GIGYF2: variants seen among roughly 807,000 people sequenced by gnomAD.
GIGYF2 encodes GRB10-interacting GYF protein 2.
In GIGYF2, 25 loss-of-function variants were observed where a neutral mutation model predicts 208.1. That is an observed-to-expected ratio of 0.12 (90% CI 0.09 to 0.17). The LOEUF is 0.17. Ranked by LOEUF, GIGYF2 falls within the 10% of genes least tolerant of loss-of-function variation. GIGYF2 has a pLI of 1.00. For missense variants in GIGYF2, 1,302 were observed against 1,579.4 expected (o/e 0.82, Z 2.98); for synonymous variants, 534 against 543.8 (o/e 0.98, Z 0.25).
rs1412445567 is a variant in GIGYF2 at position 232,793,801 on chromosome 2, C to T, written c.1283-947C>T. On this transcript the variant is annotated intron_variant, in intron 12 of 28. Coordinates refer to ENST00000373563, the MANE Select transcript of GIGYF2 (RefSeq NM_001103146.3). ...AAAGTAGAGACAGGAGAGTAGAGTG[C>T]AGGGAAACTAAGGAATGGGGATGTT... Among the ~76,000 whole-genome samples, 4 of 152,016 alleles carry T rather than the reference C, an allele frequency of 2.6e-5. No individual in the cohort carries two copies. In the South Asian group the frequency reaches 6.2e-4, roughly 24 times the overall value.
chr2:232,784,949 T>C (rs1699864189), intron 8 of GIGYF2, among the ~76,000 whole-genome samples: 1 of 152,054 alleles, frequency 6.6e-6, no homozygotes, highest in African/African-American at 2.4e-5. Flanking sequence ...GCTCCCTCTC[T>C]CACCATGTGA....
chr2:232,709,370 G>A lies in GIGYF2; in HGVS notation c.-44+5881G>A, dbSNP rs529675164. Among the ~76,000 whole-genome samples the A allele has an allele frequency of 2.4e-3, 358 of 152,252 alleles. 2 individuals are homozygous for A. Among genetic ancestry groups the A allele is most frequent in the Middle Eastern group, 0.017 (5 of 292 alleles). The stretch of plus-strand genomic sequence containing the variant: ...AAATTGGGTTTTCTTTTTAGATACA[G>A]GGTCTTGCTCTGTCATGCAGGCAGC... On this transcript the variant is annotated intron_variant, in intron 2 of 28. Transcript: ENST00000373563.
At chr2:232,826,230 G>C (rs1041661465) in intron 21 of GIGYF2, among the ~76,000 whole-genome samples, 3 of 151,990 alleles carry the variant, frequency 2.0e-5, no homozygotes, top group Non-Finnish European at 4.4e-5. Flanking sequence ...TAATGGGATC[G>C]CTGGGTCAAA....
rs148986822 is a variant in GIGYF2, at chr2:232,763,745, C to A, written c.532+2309C>A. Among the ~76,000 whole-genome samples the A allele has an allele frequency of 2.2e-3, 338 of 151,664 alleles. 13 individuals are homozygous for A. In the East Asian group the frequency reaches 0.058, roughly 26 times the overall value. On this transcript the variant is annotated intron_variant, in intron 8 of 28. Coordinates refer to ENST00000373563, the MANE Select transcript of GIGYF2 (RefSeq NM_001103146.3). The stretch of plus-strand genomic sequence containing the variant: ...CTGAGGGAGACTGAGGCAGGGGAAT[C>A]GCTTGAACCCGGGAGGTGGAGGCTG...
chr2:232,807,833 A>G (rs903054704), intron 15 of GIGYF2, among the ~76,000 whole-genome samples: 44 of 152,222 alleles, frequency 2.9e-4, no homozygotes, highest in African/African-American at 1.1e-3. Context: ...TGGCCTTTCA[A>G]AGTGCTGGAT....
chr2:232,787,023 A>G, intron 8 of GIGYF2, 127 bp from the exon 9 acceptor site: 1 of 574,580 alleles, frequency 1.7e-6, no homozygotes, highest in Non-Finnish European at 3.0e-6. Flanking sequence ...CTGTTATTTT[A>G]GTGATTTTTT....
In GIGYF2 at chr2:232,760,601, TC is replaced by T; in HGVS notation, c.491+12del. On this transcript the variant is annotated intron_variant, in intron 7 of 28. Coordinates refer to ENST00000373563, the MANE Select transcript of GIGYF2 (RefSeq NM_001103146.3). ...AGAGCTGGGAGGAAAGGTAACTGGA[TC>T]CACATATTGGCATAAAAATTTCTTG... The T allele has an allele frequency of 1.3e-6, 2 of 1,547,258 alleles. No homozygotes were observed. The highest frequency in any genetic ancestry group is 8.9e-7 in the Non-Finnish European group (1 of 1,119,238).
At position 232,845,821 on chromosome 2, in the gene GIGYF2, A is replaced by C. The variant is rs760387035; in HGVS notation, c.3395A>C (p.Gln1132Pro). Residue 1132 changes from glutamine to proline, a missense_variant, in exon 26 of 29, where the codon CAA (glutamine) becomes CCA (proline). Gln to Pro is a moderately conservative substitution (Grantham distance 76). Around this residue, in one of 8 missense-constraint regions of GIGYF2, gnomAD observed 701 missense variants for 793.0 expected, o/e 0.88. Transcript: ENST00000373563. ...CTCTTTCAGGGAGTAAATAAAGCCC[A>C]AGATGGATTTACGCAGTGGTGTGAA... is the stretch of plus-strand genomic sequence containing the variant. ...LKLFQGVNKA[Q>P]DGFTQWCEQM... is the part of the protein sequence containing the mutation. The C allele has an allele frequency of 1.5e-5, 24 of 1,613,654 alleles. No individual in the cohort carries two copies. Among genetic ancestry groups the C allele is most frequent in the Non-Finnish European group, 2.0e-5 (24 of 1,179,522 alleles).
chr2:232,776,531 C>T, intron 8 of GIGYF2: 2 of 981,972 alleles, frequency 2.0e-6, no homozygotes, highest in Non-Finnish European at 3.2e-6. Context: ...TAATTTTAAT[C>T]TACAAGTCTA....
At chr2:232,781,147 C>T (rs1411195635) in intron 8 of GIGYF2, among the ~76,000 whole-genome samples, 4 of 151,916 alleles carry the variant, frequency 2.6e-5, no homozygotes, top group Non-Finnish European at 4.4e-5. Context: ...TTAGTAGAAA[C>T]GGGGTTTTGT....
chr2:232,819,873 G>A lies in GIGYF2; in HGVS notation c.2417G>A (p.Arg806Gln). 4 of 1,595,880 alleles carry A rather than the reference G, an allele frequency of 2.5e-6. No individual in the cohort carries two copies. The highest frequency in any genetic ancestry group is 1.4e-5 in the African/African-American group (1 of 71,332). ...CGGGAGCAAGAAATTGCATTAAGGCGACAGCGAGAAGAGGAAGAAAGACAG... is the reference window on the plus strand; with the variant it reads ...CGGGAGCAAGAAATTGCATTAAGGCAACAGCGAGAAGAGGAAGAAAGACAG... ...RQREQEIALRRQREEEERQQQ... is the reference protein window; with the variant it reads ...RQREQEIALRQQREEEERQQQ... The change falls in exon 21 of 29, where the codon CGA (arginine) becomes CAA (glutamine). Residue 806 changes from arginine to glutamine, a missense_variant. By Grantham distance (43) the Arg-to-Gln change is conservative (BLOSUM62 1). Around this residue, in one of 8 missense-constraint regions of GIGYF2, gnomAD observed 701 missense variants for 793.0 expected, o/e 0.88. Coordinates refer to ENST00000373563, the MANE Select transcript of GIGYF2 (RefSeq NM_001103146.3).
At chr2:232,826,235 G>A (rs1574929131) in intron 21 of GIGYF2, among the ~76,000 whole-genome samples, 1 of 152,160 alleles carries the variant, frequency 6.6e-6, no homozygotes, top group Non-Finnish European at 1.5e-5. Context: ...GGATCGCTGG[G>A]TCAAATAGTA....
rs1699116813 is a variant in GIGYF2, at chr2:232,769,256, C to T, written c.532+7820C>T. Reference sequence around the variant, plus strand: ...TAGAATGAGTGATATTTTGGCCAGGCATGGTGTCTCACGCCTGTAATCCCG... The same window carrying T: ...TAGAATGAGTGATATTTTGGCCAGGTATGGTGTCTCACGCCTGTAATCCCG... On this transcript the variant is annotated intron_variant, in intron 8 of 28. Coordinates refer to ENST00000373563, the MANE Select transcript of GIGYF2 (RefSeq NM_001103146.3). Among the ~76,000 whole-genome samples, 4 of 152,220 alleles carry T rather than the reference C, an allele frequency of 2.6e-5. No individual in the cohort carries two copies. The South Asian group carries it at 8.3e-4, about 32-fold the overall frequency.
rs1700173440 is a variant in GIGYF2, at chr2:232,794,766, A to G, written c.1301A>G (p.Gln434Arg). 1.9e-6 allele frequency: 3 copies of G among 1,613,722 alleles called. No individual in the cohort carries two copies. The highest frequency in any genetic ancestry group is 2.5e-6 in the Non-Finnish European group (3 of 1,179,672). ...CCCCTAGAAATGGTTGCTGATGTCCAGCAGCCCCTGTCGCAGATTCCTTCA... is the reference window on the plus strand; with the variant it reads ...CCCCTAGAAATGGTTGCTGATGTCCGGCAGCCCCTGTCGCAGATTCCTTCA... ...SRGDEMVADV[Q>R]QPLSQIPSDT... Residue 434 changes from glutamine to arginine, a missense_variant, in exon 13 of 29, where the codon CAG (glutamine) becomes CGG (arginine). Around this residue, in one of 8 missense-constraint regions of GIGYF2, gnomAD observed 235 missense variants for 218.8 expected, o/e 1.07. Transcript: ENST00000373563.
rs544867988 is a variant in GIGYF2 at position 232,806,817 on chromosome 2, G to A, written c.1806+160G>A. On this transcript the variant is annotated intron_variant, in intron 15 of 28. Coordinates refer to ENST00000373563, the MANE Select transcript of GIGYF2 (RefSeq NM_001103146.3). This position sits in a 1 kb window ranked among gnomAD's most constrained non-coding sequence, Gnocchi z 4.0. Reference sequence around the variant, plus strand: ...GTCTGAATGGAAGACTGAATACTTAGCTATAATGATCTTTTCAAAACTCGA... The same window carrying A: ...GTCTGAATGGAAGACTGAATACTTAACTATAATGATCTTTTCAAAACTCGA... Among the ~76,000 whole-genome samples the A allele has an allele frequency of 1.3e-5, 2 of 150,982 alleles. No homozygotes were observed. Among genetic ancestry groups the A allele is most frequent in the South Asian group, 2.1e-4 (1 of 4,796 alleles).
chr2:232,727,205 GA>G (rs1220273256), intron 2 of GIGYF2, among the ~76,000 whole-genome samples: 6 of 152,124 alleles, frequency 3.9e-5, no homozygotes, highest in Non-Finnish European at 8.8e-5. Context: ...GCCTCAACTT[GA>G]TTCACCTTCC....
chr2:232,821,981 T>C (rs574905241), intron 21 of GIGYF2, among the ~76,000 whole-genome samples: 1 of 152,056 alleles, frequency 6.6e-6, no homozygotes, highest in African/African-American at 2.4e-5. Context: ...TTTTCTTCCA[T>C]TGATAAGTTT....
chr2:232,811,249 A>C lies in GIGYF2; in HGVS notation c.1904A>C (p.Gln635Pro). The change falls in exon 17 of 29, where the codon CAA becomes CCA. Residue 635 changes from glutamine (Q) to proline (P), a missense_variant. Physicochemically the swap from Gln to Pro is moderately conservative, Grantham distance 76. Around this residue, in one of 8 missense-constraint regions of GIGYF2, gnomAD observed 701 missense variants for 793.0 expected, o/e 0.88. Transcript: ENST00000373563. ...TTTTTTTTTACTTTTTGAAGACAAC[A>C]ATATGCACAGGTTTTGGCCCAACAG... ...LQYQQFLIQQ[Q>P]YAQVLAQQQK... is the part of the protein sequence containing the mutation. 1.9e-6 allele frequency: 3 copies of C among 1,587,094 alleles called. No homozygotes were observed. The highest frequency in any genetic ancestry group is 2.6e-6 in the Non-Finnish European group (3 of 1,155,484).
At chr2:232,777,751 A>G (rs1699573379) in intron 8 of GIGYF2, among the ~76,000 whole-genome samples, 1 of 152,100 alleles carries the variant, frequency 6.6e-6, no homozygotes, top group South Asian at 2.1e-4. Flanking sequence ...ATAAAGAAGG[A>G]TTTGTGGTGT....
Sources: gnomAD v4.1 joint callset for allele counts (sites outside exome capture counted in the v4.1 genomes callset) on GRCh38, gnomAD v4.1.1 for gene constraint, gnomAD v4.1.1 regional missense constraint, Gnocchi (gnomAD v3.1) non-coding constraint, MANE v1.5 for transcripts, NCBI Gene and HGNC (gene_info 2026-07-23, HGNC 2026-07-21) for gene names.